The following ZNF618 variants were observed in gnomAD, a reference collection of about 807,000 sequenced individuals.
The protein encoded by ZNF618 is neural precursor cell expressed, developmentally down-regulated 10.
ZNF618 carries 34 observed loss-of-function variants against 103.0 expected under a neutral mutation model. That is an observed-to-expected ratio of 0.33 (90% CI 0.25 to 0.44). The LOEUF (loss-of-function observed/expected upper bound fraction) is 0.44. Among genes scored for constraint, ZNF618 ranks in the 20% least tolerant of loss-of-function variants. ZNF618 has a pLI of 1.00. For synonymous variants in ZNF618, 551 were observed against 542.2 expected, an observed-to-expected ratio of 1.02 and a Z score of -0.23; for missense variants, 1,059 against 1,295.4, an observed-to-expected ratio of 0.82 and a Z score of 2.80.
chr9:113,984,333 A>G (rs746491594), intron 2 of ZNF618, among the ~76,000 whole-genome samples: 3 of 152,226 alleles, frequency 2.0e-5, no homozygotes, highest in East Asian at 3.9e-4. Context: ...GGATGTCATC[A>G]TGAACCAATG....
intron 1 of ZNF618, among the ~76,000 whole-genome samples, chr9:113,929,216 C>G (rs1377801783): frequency 1.3e-5 from 2 of 152,142 alleles, no homozygotes; most frequent in African/African-American, 2.4e-5. Flanking sequence ...GATTTTAACT[C>G]TCAAGCTAGT....
chr9:114,016,125 C>T (rs772711379), intron 9 of ZNF618: 5 of 1,611,960 alleles, frequency 3.1e-6, no homozygotes, highest in Admixed American at 1.7e-5. Flanking sequence ...AACAATATTA[C>T]ATCAGACATT....
intron 1 of ZNF618, among the ~76,000 whole-genome samples, chr9:113,912,804 C>T (rs939798697): frequency 6.6e-6 from 1 of 152,116 alleles, no homozygotes; most frequent in East Asian, 1.9e-4. Flanking sequence ...GATCCCACCC[C>T]CCTTGGCCTC....
intron 8 of ZNF618, 22 bp downstream of exon 8, chr9:114,008,401 G>C (rs749094710): frequency 1.1e-5 from 18 of 1,613,886 alleles, no homozygotes; most frequent in Admixed American, 1.7e-5. Context: ...GTGTCTGCTT[G>C]TCACCTCCCC....
intron 1 of ZNF618, among the ~76,000 whole-genome samples, chr9:113,952,236 A>C (rs1461079877): frequency 1.3e-5 from 2 of 152,216 alleles, no homozygotes; most frequent in Non-Finnish European, 1.5e-5. Flanking sequence ...GAAAAGCTGG[A>C]TAATTAAGGC....
At chr9:113,951,451 G>GTGTGTGTATA (rs1457536817) in intron 1 of ZNF618, among the ~76,000 whole-genome samples, 1 of 10,630 alleles carries the variant, frequency 9.4e-5, no homozygotes, top group Non-Finnish European at 2.0e-4. Context: ...ACATATATGT[G>GTGTGTGTATA]TATATATACA....
intron 2 of ZNF618, among the ~76,000 whole-genome samples, chr9:113,980,671 T>G (rs983690731): frequency 6.6e-6 from 1 of 152,154 alleles, no homozygotes; most frequent in Admixed American, 6.5e-5. Context: ...TTGGGGCATA[T>G]CAAGTTGTAA....
intron 1 of ZNF618, among the ~76,000 whole-genome samples, chr9:113,935,824 C>T (rs1833981504): frequency 6.6e-6 from 1 of 152,180 alleles, no homozygotes; most frequent in Admixed American, 6.5e-5. Context: ...GATCACATGC[C>T]TGCTTACTTG....
intron 13 of ZNF618, among the ~76,000 whole-genome samples, chr9:114,040,795 G>T (rs1845099738): frequency 6.6e-6 from 1 of 152,204 alleles, no homozygotes; most frequent in Non-Finnish European, 1.5e-5. Context: ...AAACATACGT[G>T]TGCATGTGTC....
intron 1 of ZNF618, among the ~76,000 whole-genome samples, chr9:113,894,625 T>G (rs996177919): frequency 6.6e-6 from 1 of 152,198 alleles, no homozygotes; most frequent in South Asian, 2.1e-4. Context: ...TCATTCACGC[T>G]CCTTTATATG....
intron 1 of ZNF618, among the ~76,000 whole-genome samples, chr9:113,891,755 C>T (rs1440498541): frequency 6.6e-6 from 1 of 152,112 alleles, no homozygotes; most frequent in Non-Finnish European, 1.5e-5. Flanking sequence ...ATGTATTCAG[C>T]CTTCATTTTT....
rs1036356084 is a variant in ZNF618 at position 114,038,449 on chromosome 9, T to C, written c.1246+2072T>C. Among the ~76,000 whole-genome samples the C allele has an allele frequency of 3.3e-5, 5 of 152,224 alleles. No homozygotes were observed. In the East Asian group the frequency reaches 7.7e-4, roughly 23 times the overall value. On this transcript the variant is annotated intron_variant, in intron 13 of 14. Coordinates refer to ENST00000374126, the MANE Select transcript of ZNF618 (RefSeq NM_001318042.2). ...CCGGCCATCCAGCGCAAAGCCAGGCTGAATCCCAGCCACACTGAATCGGGA... is the reference window on the plus strand; with the variant it reads ...CCGGCCATCCAGCGCAAAGCCAGGCCGAATCCCAGCCACACTGAATCGGGA...
In ZNF618 at chr9:114,048,768, G is replaced by A; in HGVS notation, c.1466G>A (p.Gly489Glu). ...ADLGALSVVS[G>E]KEFLKLAQTL... ...CTGGGTGCACTGAGCGTGGTCAGCG[G>A]GAAGGAGTTCCTGAAGTTGGCCCAG... The change falls in exon 15 of 15, where the codon GGG (glycine) becomes GAG (glutamate). Residue 489 changes from glycine (G) to glutamate (E), a missense_variant. Coordinates refer to ENST00000374126, the MANE Select transcript of ZNF618 (RefSeq NM_001318042.2). 6.2e-7 allele frequency: 1 copy of A among 1,614,024 alleles called. No individual in the cohort carries two copies. The highest frequency in any genetic ancestry group is 8.5e-7 in the Non-Finnish European group (1 of 1,179,890).
chr9:113,994,830 G>A (rs1840409820), intron 3 of ZNF618, among the ~76,000 whole-genome samples: 1 of 151,658 alleles, frequency 6.6e-6, no homozygotes, highest in Non-Finnish European at 1.5e-5. Flanking sequence ...AAAGAATTTT[G>A]AAAACTGTAT....
intron 13 of ZNF618, among the ~76,000 whole-genome samples, chr9:114,045,241 G>T (rs1845555385): frequency 6.6e-6 from 1 of 151,774 alleles, no homozygotes. Flanking sequence ...TGTGCTTTTG[G>T]TGTCATATCC....
chr9:113,949,947 C>T (rs1001544962), intron 1 of ZNF618, among the ~76,000 whole-genome samples: 2 of 152,230 alleles, frequency 1.3e-5, no homozygotes, highest in Non-Finnish European at 2.9e-5. Context: ...GGTCTTGTCT[C>T]TACCTCATCT....
chr9:113,970,771 A>G (rs1837884497), intron 2 of ZNF618, among the ~76,000 whole-genome samples: 1 of 151,550 alleles, frequency 6.6e-6, no homozygotes, highest in Non-Finnish European at 1.5e-5. Context: ...TGGCCTTCAT[A>G]GCCTGTTTAT....
At chr9:113,943,025 A>G (rs1834686430) in intron 1 of ZNF618, among the ~76,000 whole-genome samples, 1 of 152,224 alleles carries the variant, frequency 6.6e-6, no homozygotes, top group Admixed American at 6.5e-5. Flanking sequence ...GGATTGTCCC[A>G]GGTGCATCTG....
In ZNF618 at chr9:113,939,566, C is replaced by T. The variant is rs1003396449; in HGVS notation, c.34-29551C>T. On this transcript the variant is annotated intron_variant, in intron 1 of 14. Coordinates refer to ENST00000374126, the MANE Select transcript of ZNF618 (RefSeq NM_001318042.2). ...CGATTTAGAAAACATAGATATAATT[C>T]GCTTATTGAAAATTTGACACAGTAA... is the stretch of plus-strand genomic sequence containing the variant. Among the ~76,000 whole-genome samples, 11 of 152,150 alleles carry T rather than the reference C, an allele frequency of 7.2e-5. 1 individual carries two copies. Among genetic ancestry groups the T allele is most frequent in the Admixed American group, 5.2e-4 (8 of 15,282 alleles).
Sources: gnomAD v4.1 joint callset for allele counts (sites outside exome capture counted in the v4.1 genomes callset) on GRCh38, gnomAD v4.1.1 for gene constraint, MANE v1.5 for transcripts, NCBI Gene and HGNC (gene_info 2026-07-23, HGNC 2026-07-21) for gene names.